Variants in CUX1 observed in about 807,000 individuals in gnomAD.
CUX1 encodes cut like homeobox 1.
A neutral mutation model predicts 158.8 loss-of-function variants in CUX1; 31 were observed. The observed-to-expected ratio is 0.20, with a 90% CI of 0.15 to 0.26. The LOEUF (loss-of-function observed/expected upper bound fraction) is 0.26. CUX1 is among the 10% of genes least tolerant of loss of function. CUX1 has a pLI of 1.00. For missense variants in CUX1, 1,589 were observed against 2,014.6 expected, an observed-to-expected ratio of 0.79 and a Z score of 4.04; for synonymous variants, 879 against 862.1, an observed-to-expected ratio of 1.02 and a Z score of -0.34.
At chr7:102,246,135 C>CG (rs1263763613) in intron 23 of CUX1, among the ~76,000 whole-genome samples, 1 of 152,128 alleles carries the variant, frequency 6.6e-6, no homozygotes. Flanking sequence ...GGTTTTGGGT[C>CG]GGGCTGGGAC....
chr7:102,186,050 C>T (rs1271602132), intron 11 of CUX1, among the ~76,000 whole-genome samples: 6 of 152,164 alleles, frequency 3.9e-5, no homozygotes, highest in Admixed American at 6.5e-5. Flanking sequence ...GGGAAACTGG[C>T]GTGCCTGTCG....
intron 11 of CUX1, among the ~76,000 whole-genome samples, chr7:102,187,412 T>C (rs1289484544): frequency 1.3e-5 from 2 of 152,178 alleles, no homozygotes; most frequent in African/African-American, 4.8e-5. Flanking sequence ...TTCTTTGCTT[T>C]GTGCAAACCC....
At chr7:102,155,381 CAAAAAAA>C (rs562482446) in intron 8 of CUX1, among the ~76,000 whole-genome samples, 3 of 110,146 alleles carry the variant, frequency 2.7e-5, no homozygotes, top group African/African-American at 3.2e-5. Flanking sequence ...TTGTCTCTAC[CAAAAAAA>C]AAAAAAAAAA....
intron 3 of CUX1, among the ~76,000 whole-genome samples, chr7:102,064,396 C>T (rs1018449094): frequency 1.8e-4 from 27 of 152,210 alleles, no homozygotes; most frequent in African/African-American, 6.0e-4. Context: ...AACGTGCAGG[C>T]AGGCACGAGG....
intron 3 of CUX1, among the ~76,000 whole-genome samples, chr7:102,031,927 CTT>C (rs140940307): frequency 2.8e-5 from 4 of 143,290 alleles, no homozygotes. Flanking sequence ...ATAATTTGTA[CTT>C]TTTTTTTTTT....
At chr7:102,034,588 A>T (rs767600070) in intron 3 of CUX1, among the ~76,000 whole-genome samples, 5 of 152,090 alleles carry the variant, frequency 3.3e-5, no homozygotes, top group African/African-American at 4.8e-5. Context: ...CCCCAGCTCT[A>T]CTAAAAATAC....
intron 2 of CUX1, among the ~76,000 whole-genome samples, chr7:101,924,654 C>T (rs1805368150): frequency 6.6e-6 from 1 of 152,068 alleles, no homozygotes; most frequent in African/African-American, 2.4e-5. Context: ...CAGCCTCAAC[C>T]TCCCAGCCTC....
At chr7:102,045,864 G>A (rs765641378) in intron 3 of CUX1, among the ~76,000 whole-genome samples, 23 of 152,164 alleles carry the variant, frequency 1.5e-4, no homozygotes, top group Non-Finnish European at 2.5e-4. Flanking sequence ...TGGCATCTCC[G>A]CCAGGGGACC....
intron 1 of CUX1, among the ~76,000 whole-genome samples, chr7:101,824,054 G>C (rs1376233653): frequency 6.6e-6 from 1 of 152,128 alleles, no homozygotes; most frequent in Non-Finnish European, 1.5e-5. Context: ...CTCTAACATA[G>C]TTTAATATCT....
chr7:101,916,219 T>C lies in CUX1; in HGVS notation c.135T>C (p.Thr45=). 1 of 1,604,882 alleles carries C rather than the reference T, an allele frequency of 6.2e-7. No individual in the cohort carries two copies. The change falls in exon 2 of 24, where the codon ACT becomes ACC. Residue 45 remains threonine, a synonymous_variant. Coordinates refer to ENST00000292535, the MANE Select transcript of CUX1 (RefSeq NM_181552.4). The surrounding 1 kb of genome is among the most constrained non-coding windows in gnomAD (Gnocchi z 4.4). Reference sequence around the variant, plus strand: ...AGAGCCGGGAGTTCAAGAAGAACACTCCAGAGGTGAGGCGCGTGACCATCG... The same window carrying C: ...AGAGCCGGGAGTTCAAGAAGAACACCCCAGAGGTGAGGCGCGTGACCATCG... ...IEQSREFKKN[T]PEDLRKQVAP... is the part of the protein sequence containing the mutation.
Position 102,107,088 on chromosome 7 carries a change from G to A in CUX1, c.530+2629G>A, listed in dbSNP as rs144711897. Among the ~76,000 whole-genome samples, 910 of 152,214 alleles carry A rather than the reference G, an allele frequency of 6.0e-3. 11 individuals carry two copies. The highest frequency in any genetic ancestry group is 0.021 in the African/African-American group (868 of 41,522). ...ATGGCATGAATGAATGTATGAATGC[G>A]CCATGCATGTCAGCATGTGCCTATA... On this transcript the variant is annotated intron_variant, in intron 6 of 23. Coordinates refer to ENST00000292535, the MANE Select transcript of CUX1 (RefSeq NM_181552.4).
At position 102,196,680 on chromosome 7, in the gene CUX1, G is replaced by T. The variant is rs570594920; in HGVS notation, c.1269G>T (p.Pro423=). The T allele has an allele frequency of 2.5e-6, 4 of 1,599,182 alleles. No homozygotes were observed. Among genetic ancestry groups the T allele is most frequent in the Non-Finnish European group, 2.6e-6 (3 of 1,171,688 alleles). ...KGKDQPESRR[P]GSLPAPPPSQ... Reference sequence around the variant, plus strand: ...AAGACCAGCCTGAAAGTCGGCGCCCGGGATCTTTGCCGGCCCCCCCTCCTT... The same window carrying T: ...AAGACCAGCCTGAAAGTCGGCGCCCTGGATCTTTGCCGGCCCCCCCTCCTT... Residue 423 remains proline (P), a synonymous_variant, in exon 15 of 24, where the codon CCG becomes CCT. Transcript: ENST00000292535.
chr7:102,277,567 T>C (rs546304430), intron 17 of CUX1, among the ~76,000 whole-genome samples: 21 of 150,836 alleles, frequency 1.4e-4, no homozygotes, highest in Admixed American at 1.4e-3. Context: ...GTCGTTGCAC[T>C]CCAGCCTGGG....
chr7:102,030,339 C>T (rs1006832845), intron 3 of CUX1, among the ~76,000 whole-genome samples: 1 of 152,122 alleles, frequency 6.6e-6, no homozygotes, highest in Non-Finnish European at 1.5e-5. Context: ...CCCAGATCCA[C>T]AGTTGCTAAC....
chr7:102,117,154 T>C (rs1554492032), intron 8 of CUX1, among the ~76,000 whole-genome samples: 1 of 151,804 alleles, frequency 6.6e-6, no homozygotes, highest in African/African-American at 2.4e-5. Flanking sequence ...TCCCAGCACT[T>C]TGGGAGGCCG....
intron 2 of CUX1, among the ~76,000 whole-genome samples, chr7:101,948,271 G>A (rs1258717970): frequency 1.3e-5 from 2 of 152,130 alleles, no homozygotes; most frequent in Non-Finnish European, 2.9e-5. Context: ...TTTGGGCTCC[G>A]TAAACTTGGC....
At chr7:102,155,638 T>C (rs1242118240) in intron 8 of CUX1, among the ~76,000 whole-genome samples, 2 of 152,134 alleles carry the variant, frequency 1.3e-5, no homozygotes, top group Non-Finnish European at 2.9e-5. Flanking sequence ...GTTTACGCTC[T>C]GAATTCTTCA....
intron 1 of CUX1, among the ~76,000 whole-genome samples, chr7:101,841,114 C>T (rs879892361): frequency 9.2e-5 from 14 of 151,906 alleles, no homozygotes; most frequent in African/African-American, 2.4e-4. Flanking sequence ...AGGATGGTCT[C>T]GATCTCCTGA....
intron 8 of CUX1, among the ~76,000 whole-genome samples, chr7:102,132,677 T>TTGC (rs1262743369): frequency 1.9e-3 from 211 of 108,572 alleles, no homozygotes; most frequent in Middle Eastern, 5.2e-3. Context: ...TTTCTTTGCT[T>TTGC]TTCTTTTTTT....
Sources: gnomAD v4.1 joint callset for allele counts (sites outside exome capture counted in the v4.1 genomes callset) on GRCh38, gnomAD v4.1.1 for gene constraint, Gnocchi (gnomAD v3.1) non-coding constraint, MANE v1.5 for transcripts, NCBI Gene and HGNC (gene_info 2026-07-23, HGNC 2026-07-21) for gene names.